Variants in CDH23 observed in about 807,000 individuals in gnomAD.
The protein encoded by CDH23 is cadherin related 23.
In CDH23, 189 loss-of-function variants were observed where a neutral mutation model predicts 317.1. The observed-to-expected ratio is 0.60, with a 90% CI of 0.53 to 0.67. The LOEUF (loss-of-function observed/expected upper bound fraction) is 0.67, where lower values mean the gene tolerates loss of function less well. CDH23 is among the 30% of genes least tolerant of loss of function. The pLI, the probability that CDH23 is intolerant of heterozygous loss-of-function variation, is 0.00. For synonymous variants in CDH23, 1,839 were observed against 1,876.8 expected (o/e 0.98, Z 0.52); for missense variants, 4,401 against 4,592.4 (o/e 0.96, Z 1.20).
At chr10:71,725,903 A>G (rs1270732184) in intron 30 of CDH23, among the ~76,000 whole-genome samples, 1 of 152,106 alleles carries the variant, frequency 6.6e-6, no homozygotes, top group Non-Finnish European at 1.5e-5. Flanking sequence ...AGGCACAGAG[A>G]AGTTGCTAGT....
chr10:71,421,202 C>G (rs1246327986), intron 1 of CDH23, among the ~76,000 whole-genome samples: 1 of 152,230 alleles, frequency 6.6e-6, no homozygotes, highest in African/African-American at 2.4e-5. Flanking sequence ...CAGAGTGGGC[C>G]TTGGGTAATG....
intron 29 of CDH23, among the ~76,000 whole-genome samples, chr10:71,725,171 A>G (rs940601547): frequency 2.0e-5 from 3 of 152,198 alleles, no homozygotes; most frequent in African/African-American, 7.2e-5. Flanking sequence ...GGTGAAACGC[A>G]TTGGGGATGG....
chr10:71,559,757 G>A (rs565728038), intron 6 of CDH23, among the ~76,000 whole-genome samples: 33 of 152,306 alleles, frequency 2.2e-4, no homozygotes, highest in Middle Eastern at 3.4e-3. Flanking sequence ...AGCCCACCCC[G>A]GCTCTCAGAG....
At chr10:71,459,263 T>A (rs1850855922) in intron 3 of CDH23, among the ~76,000 whole-genome samples, 1 of 151,982 alleles carries the variant, frequency 6.6e-6, no homozygotes, top group South Asian at 2.1e-4. Context: ...AATTGTTTTT[T>A]AAATTTTTTT....
Position 71,633,029 on chromosome 10 carries a change from C to G in CDH23, c.1135-10832C>G, listed in dbSNP as rs924793146. 2.0e-5 allele frequency among the ~76,000 whole-genome samples: 3 copies of G among 152,050 alleles called. No individual in the cohort carries two copies. In the South Asian group the frequency reaches 6.2e-4, roughly 31 times the overall value. On this transcript the variant is annotated intron_variant, in intron 11 of 69. Coordinates refer to ENST00000224721, the MANE Select transcript of CDH23 (RefSeq NM_022124.6). Reference sequence around the variant, plus strand: ...GGCATCTCGCATGATGAGATTACTACGTGTGCTCATGCAGTAGCTCAGGTC... The same window carrying G: ...GGCATCTCGCATGATGAGATTACTAGGTGTGCTCATGCAGTAGCTCAGGTC...
chr10:71,470,629 A>G (rs1217552426), intron 3 of CDH23, among the ~76,000 whole-genome samples: 7 of 151,980 alleles, frequency 4.6e-5, no homozygotes, highest in African/African-American at 1.7e-4. Flanking sequence ...AGCTGGGACT[A>G]CAGGCATGTG....
intron 3 of CDH23, among the ~76,000 whole-genome samples, chr10:71,499,961 G>A (rs1853190574): frequency 6.9e-6 from 1 of 144,668 alleles, no homozygotes; most frequent in South Asian, 2.1e-4. Flanking sequence ...AGGTTGCAGT[G>A]AGCTGAAAGA....
At chr10:71,799,386 C>T in intron 51 of CDH23, 106 bp downstream of exon 51, 1 of 1,602,162 alleles carries the variant, frequency 6.2e-7, no homozygotes, top group Non-Finnish European at 8.5e-7. Flanking sequence ...CCTGGGAGTG[C>T]CCAGCCCACG....
At chr10:71,801,461 G>A (rs1841557447) in intron 53 of CDH23, among the ~76,000 whole-genome samples, 1 of 151,860 alleles carries the variant, frequency 6.6e-6, no homozygotes, top group Non-Finnish European at 1.5e-5. Context: ...GCCTATTTAT[G>A]TCTCTTAAAG....
chr10:71,494,596 A>G (rs1852851953), intron 3 of CDH23, among the ~76,000 whole-genome samples: 1 of 152,228 alleles, frequency 6.6e-6, no homozygotes. Context: ...AGTGCTTAAC[A>G]GAGTGTCTCC....
chr10:71,729,994 C>G (rs1839309786), intron 30 of CDH23, among the ~76,000 whole-genome samples: 1 of 152,014 alleles, frequency 6.6e-6, no homozygotes, highest in Non-Finnish European at 1.5e-5. Context: ...GCCACCACGC[C>G]CGGCTAATTT....
chr10:71,444,883 A>G (rs1034668550), intron 2 of CDH23, among the ~76,000 whole-genome samples: 3 of 152,150 alleles, frequency 2.0e-5, no homozygotes, highest in African/African-American at 7.2e-5. Flanking sequence ...GGTGCTGCAC[A>G]ATGACAGTCC....
intron 9 of CDH23, among the ~76,000 whole-genome samples, chr10:71,579,825 AG>A (rs1858499074): frequency 6.6e-6 from 1 of 152,182 alleles, no homozygotes; most frequent in Admixed American, 6.5e-5. Flanking sequence ...CCCAGTGACC[AG>A]GGGCTTGTGC....
intron 6 of CDH23, among the ~76,000 whole-genome samples, chr10:71,533,969 C>G (rs1855561959): frequency 6.6e-6 from 1 of 152,158 alleles, no homozygotes; most frequent in African/African-American, 2.4e-5. Flanking sequence ...CTGTCCCCTC[C>G]TCATTCCCGG....
At chr10:71,514,690 C>T (rs1854180559) in intron 6 of CDH23, among the ~76,000 whole-genome samples, 1 of 152,148 alleles carries the variant, frequency 6.6e-6, no homozygotes, top group African/African-American at 2.4e-5. Context: ...TCCATTTTAT[C>T]AGGGTGAAAG....
rs760000245 is a variant in CDH23, at chr10:71,751,711, G to C, written c.4845+9790G>C. ...CGTCTCCGGGGCCTGGAGGAGACAGGGGGGTGCTGGGCTCCGAAAGCAGAT... is the reference window on the plus strand; with the variant it reads ...CGTCTCCGGGGCCTGGAGGAGACAGCGGGGTGCTGGGCTCCGAAAGCAGAT... On this transcript the variant is annotated intron_variant, in intron 38 of 69. Coordinates refer to ENST00000224721, the MANE Select transcript of CDH23 (RefSeq NM_022124.6). This position sits in a 1 kb window ranked among gnomAD's most constrained non-coding sequence, Gnocchi z 4.9. 7.6e-6 allele frequency: 12 copies of C among 1,570,896 alleles called. No homozygotes were observed. In the South Asian group the frequency reaches 8.2e-5, roughly 11 times the overall value.
intron 14 of CDH23, among the ~76,000 whole-genome samples, chr10:71,664,837 CT>C: frequency 6.6e-6 from 1 of 151,718 alleles, no homozygotes; most frequent in Non-Finnish European, 1.5e-5. Flanking sequence ...CTTCTCTCCC[CT>C]CTTCCTTCTC....
chr10:71,600,658 G>C (rs1293497202), intron 9 of CDH23, among the ~76,000 whole-genome samples: 2 of 151,522 alleles, frequency 1.3e-5, no homozygotes, highest in Non-Finnish European at 2.9e-5. Context: ...CTGGGACTAC[G>C]GACACGCACC....
At chr10:71,752,894 A>C in intron 38 of CDH23, 1 of 1,500,782 alleles carries the variant, frequency 6.7e-7, no homozygotes, top group Non-Finnish European at 9.1e-7. Context: ...GCAGCTAAAC[A>C]GGGCCCCTAC....
Sources: gnomAD v4.1 joint callset for allele counts (sites outside exome capture counted in the v4.1 genomes callset) on GRCh38, gnomAD v4.1.1 for gene constraint, Gnocchi (gnomAD v3.1) non-coding constraint, MANE v1.5 for transcripts, NCBI Gene and HGNC (gene_info 2026-07-23, HGNC 2026-07-21) for gene names.